Variants in OPA3 observed in about 807,000 individuals in gnomAD.
OPA3 encodes the protein optic atrophy 3 protein.
A neutral mutation model predicts 4.0 loss-of-function variants in OPA3; 6 were observed. The observed-to-expected ratio is 1.51, with a 90% CI of 0.83 to 2.99. The LOEUF is 2.99. Among genes scored for constraint, OPA3 ranks in the 30% most tolerant of loss-of-function variants. The pLI is 0.00. For missense variants in OPA3, 235 were observed against 256.2 expected (o/e 0.92, Z 0.56); for synonymous variants, 105 against 117.1 (o/e 0.90, Z 0.67).
intron 1 of OPA3, among the ~76,000 whole-genome samples, chr19:45,538,985 T>C (rs1348413821): frequency 6.6e-6 from 1 of 152,084 alleles, no homozygotes; most frequent in Admixed American, 6.6e-5. Flanking sequence ...CTTACAATCA[T>C]GGCAGAAGGC....
chr19:45,576,631 A>C (rs1012237658), intron 1 of OPA3, among the ~76,000 whole-genome samples: 2 of 149,990 alleles, frequency 1.3e-5, no homozygotes, highest in African/African-American at 4.9e-5. Context: ...TCTCCAGTGG[A>C]GAATCCATCT....
At chr19:45,533,203 C>CT (rs1047052457) in intron 1 of OPA3, among the ~76,000 whole-genome samples, 13 of 144,064 alleles carry the variant, frequency 9.0e-5, no homozygotes, top group Non-Finnish European at 1.2e-4. Context: ...GATGATTTTT[C>CT]TTTTTTTTTT....
In OPA3 at chr19:45,552,982, T is replaced by G; in HGVS notation, c.*532A>C. 1.0e-6 allele frequency: 1 copy of G among 992,228 alleles called. No homozygotes were observed. The highest frequency in any genetic ancestry group is 1.2e-6 in the Non-Finnish European group (1 of 834,264). 61.5% of individuals were successfully genotyped at this position (992,228 alleles called of 1,614,324 possible). Reference sequence around the variant, plus strand: ...TGAGCCACCGCTCCCAGCCGCACCGTTTTTTTCCTCCTTAAGAGAGCACTG... The same window carrying G: ...TGAGCCACCGCTCCCAGCCGCACCGGTTTTTTCCTCCTTAAGAGAGCACTG... On this transcript the variant is annotated 3_prime_UTR_variant, in exon 2 of 2. Transcript: ENST00000263275.
chr19:45,554,011 G>GCTA, intron 1 of OPA3, 100 bp from the exon 2 acceptor site: 4 of 961,548 alleles, frequency 4.2e-6, no homozygotes, highest in Non-Finnish European at 6.1e-6. Context: ...GGTAACCCAG[G>GCTA]GGTCTTTTAA....
downstream of OPA3, among the ~76,000 whole-genome samples, chr19:45,541,283 G>A (rs2122396661): frequency 6.6e-6 from 1 of 152,274 alleles, no homozygotes; most frequent in Admixed American, 6.5e-5. Context: ...CAGAGGAAGT[G>A]TGTGTCTAAT....
At chr19:45,559,469 T>G (rs1475959059) in intron 1 of OPA3, among the ~76,000 whole-genome samples, 2 of 129,090 alleles carry the variant, frequency 1.5e-5, no homozygotes, top group Non-Finnish European at 3.2e-5. Context: ...TGGCACAATC[T>G]CGGCTCACTG....
intron 1 of OPA3, among the ~76,000 whole-genome samples, chr19:45,573,900 C>T (rs554089216): frequency 5.9e-5 from 9 of 152,306 alleles, no homozygotes; most frequent in East Asian, 1.9e-4. Flanking sequence ...CGGTGGCTCA[C>T]GCCTGTAATC....
In OPA3 at chr19:45,553,577, C is replaced by T. The variant is rs1014659372; in HGVS notation, c.477G>A (p.Val159=). The T allele has an allele frequency of 1.2e-6, 2 of 1,612,820 alleles. No individual in the cohort carries two copies. The highest frequency in any genetic ancestry group is 1.7e-6 in the Non-Finnish European group (2 of 1,179,922). Reference sequence around the variant, plus strand: ...GGCCGGGATTGCAGAGCTGGGCGCGCACCTCTTGCAGCTCTGTGCGCAGTT... The same window carrying T: ...GGCCGGGATTGCAGAGCTGGGCGCGTACCTCTTGCAGCTCTGTGCGCAGTT... The part of the protein sequence containing the change: ...LEELRTELQE[V]RAQLCNPGRS... Residue 159 remains valine (V), a synonymous_variant, in exon 2 of 2, where the codon GTG becomes GTA. Coordinates refer to ENST00000263275, the MANE Select transcript of OPA3 (RefSeq NM_025136.4).
intron 1 of OPA3, among the ~76,000 whole-genome samples, chr19:45,563,847 C>T (rs1460874354): frequency 6.6e-6 from 1 of 151,512 alleles, no homozygotes; most frequent in African/African-American, 2.4e-5. Context: ...AGCCACCGCG[C>T]CCGGCCTTTT....
chr19:45,564,325 GA>G (rs11327144), intron 1 of OPA3, among the ~76,000 whole-genome samples: 106,947 of 151,598 alleles, frequency 0.71, 38,176 homozygotes, highest in East Asian at 0.87. Flanking sequence ...AAGAAGGGGA[GA>G]GGGGGAAAGG....
chr19:45,577,913 G>A (rs1455559870), intron 1 of OPA3, among the ~76,000 whole-genome samples: 1 of 152,228 alleles, frequency 6.6e-6, no homozygotes, highest in Non-Finnish European at 1.5e-5. Context: ...CTATTCTAGA[G>A]CAGGGTCAGA....
intron 1 of OPA3, among the ~76,000 whole-genome samples, chr19:45,559,390 T>A (rs950870436): frequency 9.0e-6 from 1 of 111,056 alleles, no homozygotes; most frequent in Non-Finnish European, 1.7e-5. Context: ...TTTCCCTCTT[T>A]TTCTTTCTTT....
At chr19:45,528,862 C>A in exon 2 of OPA3, 1 of 605,746 alleles carries the variant, frequency 1.7e-6, no homozygotes, top group Non-Finnish European at 2.8e-6. Context: ...GCGGAGAGTC[C>A]CAGTGGAAGG....
intron 1 of OPA3, among the ~76,000 whole-genome samples, chr19:45,534,950 T>C (rs908275237): frequency 2.0e-5 from 3 of 152,168 alleles, no homozygotes; most frequent in Non-Finnish European, 4.4e-5. Context: ...TTTTCTTAAG[T>C]TGGTAAATAA....
intron 1 of OPA3, among the ~76,000 whole-genome samples, chr19:45,582,222 G>A (rs1213837468): frequency 6.6e-6 from 1 of 151,096 alleles, no homozygotes; most frequent in Non-Finnish European, 1.5e-5. Context: ...ATGAAGTGAC[G>A]CGATCTTGGC....
chr19:45,564,499 G>C (rs541289035), intron 1 of OPA3, among the ~76,000 whole-genome samples: 1 of 152,320 alleles, frequency 6.6e-6, no homozygotes, highest in Non-Finnish European at 1.5e-5. Flanking sequence ...CTGTTCCTCT[G>C]GCATGGGGCT....
At chr19:45,534,288 G>A (rs901667251) in intron 1 of OPA3, among the ~76,000 whole-genome samples, 6 of 152,110 alleles carry the variant, frequency 3.9e-5, no homozygotes, top group East Asian at 1.9e-4. Flanking sequence ...GAGGCCAGGC[G>A]CTGTGGCTCA....
At chr19:45,529,935 C>G (rs76248620) in intron 1 of OPA3, among the ~76,000 whole-genome samples, 2,504 of 152,140 alleles carry the variant, frequency 0.016, 67 homozygotes, top group African/African-American at 0.058. Context: ...GGGCTCCTTG[C>G]GTTGCCCAGG....
intron 1 of OPA3, among the ~76,000 whole-genome samples, chr19:45,576,833 CCTT>C (rs1322906243): frequency 3.3e-5 from 5 of 152,184 alleles, no homozygotes; most frequent in African/African-American, 9.7e-5. Context: ...ATCCCCAAAT[CCTT>C]CATTTGATCA....
Sources: gnomAD v4.1 joint callset for allele counts (sites outside exome capture counted in the v4.1 genomes callset) on GRCh38, gnomAD v4.1.1 for gene constraint, MANE v1.5 for transcripts, NCBI Gene and HGNC (gene_info 2026-07-23, HGNC 2026-07-21) for gene names.